Variants in FRMD4A observed in about 807,000 individuals in gnomAD.
FRMD4A encodes FERM domain-containing protein 4A.
In FRMD4A, 29 loss-of-function variants were observed where a neutral mutation model predicts 129.1. The ratio of observed to expected loss-of-function variants is 0.22; its 90% CI spans 0.17 to 0.31. FRMD4A has a LOEUF of 0.31. Among genes scored for constraint, FRMD4A ranks in the 10% least tolerant of loss-of-function variants. The probability of loss-of-function intolerance (pLI) is 1.00; values close to 1 mark genes in which losing one functional copy is unlikely to be tolerated. For synonymous variants in FRMD4A, 634 were observed against 571.6 expected (o/e 1.11, Z -1.56); for missense variants, 1,272 against 1,375.8 (o/e 0.92, Z 1.19).
chr10:14,206,795 G>A (rs531543911), intron 2 of FRMD4A, among the ~76,000 whole-genome samples: 11 of 9,190 alleles, frequency 1.2e-3, no homozygotes, highest in Admixed American at 4.1e-3. Context: ...GGATGACAGA[G>A]TGAGACGCTA....
At chr10:13,959,434 T>C (rs1432494631) in intron 2 of FRMD4A, among the ~76,000 whole-genome samples, 1 of 121,934 alleles carries the variant, frequency 8.2e-6, no homozygotes, top group Non-Finnish European at 1.6e-5. Flanking sequence ...ATTGTGCCAC[T>C]GCACTCCCCT....
intron 2 of FRMD4A, among the ~76,000 whole-genome samples, chr10:14,014,293 CCT>C (rs1485385867): frequency 1.3e-5 from 2 of 152,130 alleles, no homozygotes; most frequent in Non-Finnish European, 2.9e-5. Context: ...TTCCTAATAC[CCT>C]GACTCGATTA....
intron 2 of FRMD4A, among the ~76,000 whole-genome samples, chr10:13,870,292 T>TA (rs1429129038): frequency 2.0e-5 from 3 of 152,244 alleles, no homozygotes; most frequent in African/African-American, 7.2e-5. Flanking sequence ...TGAACATGGA[T>TA]AACAGGCTCT....
At chr10:13,712,339 T>C (rs550458174) in intron 12 of FRMD4A, among the ~76,000 whole-genome samples, 1 of 152,216 alleles carries the variant, frequency 6.6e-6, no homozygotes, top group South Asian at 2.1e-4. Flanking sequence ...CTTGTCAACA[T>C]GGTGAAATCC....
chr10:13,842,815 C>A (rs2093987533), intron 3 of FRMD4A, among the ~76,000 whole-genome samples: 1 of 152,122 alleles, frequency 6.6e-6, no homozygotes, highest in Non-Finnish European at 1.5e-5. Flanking sequence ...GGTGACAAAG[C>A]AAAACCCTGC....
At chr10:13,890,146 C>A (rs1432869305) in intron 2 of FRMD4A, among the ~76,000 whole-genome samples, 1 of 152,198 alleles carries the variant, frequency 6.6e-6, no homozygotes, top group African/African-American at 2.4e-5. Flanking sequence ...GGTCTTCTGG[C>A]CCTGTCCAAG....
intron 3 of FRMD4A, among the ~76,000 whole-genome samples, chr10:13,857,514 A>G (rs1038965150): frequency 1.3e-5 from 2 of 152,136 alleles, no homozygotes; most frequent in Non-Finnish European, 2.9e-5. Flanking sequence ...TCTGTTTCCT[A>G]TATTGCATTT....
chr10:13,862,003 C>G (rs2094301332), intron 2 of FRMD4A, among the ~76,000 whole-genome samples: 1 of 152,152 alleles, frequency 6.6e-6, no homozygotes, highest in African/African-American at 2.4e-5. Context: ...TCGAGCTACG[C>G]TGATTCAGTT....
At chr10:13,955,035 AACAAAGCAT>A (rs2095400690) in intron 2 of FRMD4A, among the ~76,000 whole-genome samples, 1 of 151,864 alleles carries the variant, frequency 6.6e-6, no homozygotes, top group South Asian at 2.1e-4. Flanking sequence ...ACAGACTACT[AACAAAGCAT>A]ACCTCATATT....
At chr10:13,814,580 CAAAAAAAAAAAAAAAAAA>C (rs553044764) in intron 3 of FRMD4A, among the ~76,000 whole-genome samples, 1 of 41,388 alleles carries the variant, frequency 2.4e-5, no homozygotes, top group African/African-American at 8.8e-5. Flanking sequence ...GACCCTGTTT[CAAAAAAAAAAAAAAAAAA>C]AAAAAAAAAG....
chr10:13,762,410 G>T (rs938302116), intron 7 of FRMD4A, among the ~76,000 whole-genome samples: 1 of 151,984 alleles, frequency 6.6e-6, no homozygotes, highest in African/African-American at 2.4e-5. Context: ...GCTTTACAGG[G>T]ATTTTCTGTC....
chr10:14,025,296 T>C (rs1832937109), intron 2 of FRMD4A, among the ~76,000 whole-genome samples: 1 of 141,730 alleles, frequency 7.1e-6, no homozygotes, highest in Non-Finnish European at 1.6e-5. Context: ...CTTCCAAAGT[T>C]TGCTTTTTTT....
chr10:13,929,312 C>A (rs191132579), intron 2 of FRMD4A, among the ~76,000 whole-genome samples: 1 of 152,326 alleles, frequency 6.6e-6, no homozygotes, highest in African/African-American at 2.4e-5. Flanking sequence ...GTTCTCCAGG[C>A]TGAGTCCTTG....
chr10:13,772,858 G>GA (rs1398541522), intron 6 of FRMD4A, among the ~76,000 whole-genome samples: 1 of 152,174 alleles, frequency 6.6e-6, no homozygotes, highest in African/African-American at 2.4e-5. Flanking sequence ...CACAAAAATA[G>GA]AAAGAATGAA....
chr10:13,668,553 G>C (rs553050578), intron 17 of FRMD4A: 19 of 152,366 alleles, frequency 1.2e-4, no homozygotes, highest in African/African-American at 4.6e-4. Flanking sequence ...CAGAATGCCA[G>C]CTGCTCCTGT....
intron 2 of FRMD4A, among the ~76,000 whole-genome samples, chr10:14,321,619 T>A (rs893662174): frequency 2.6e-5 from 4 of 152,204 alleles, no homozygotes; most frequent in African/African-American, 9.7e-5. Flanking sequence ...TTATCCTGTG[T>A]AAAATCAGGT....
chr10:13,691,206 T>C (rs908958602), intron 15 of FRMD4A, among the ~76,000 whole-genome samples: 1 of 152,256 alleles, frequency 6.6e-6, no homozygotes, highest in African/African-American at 2.4e-5. Context: ...CAGGCTGGTC[T>C]CTAACTCCTG....
chr10:13,735,478 C>T (rs2090577798), intron 12 of FRMD4A, among the ~76,000 whole-genome samples: 1 of 152,184 alleles, frequency 6.6e-6, no homozygotes, highest in South Asian at 2.1e-4. Context: ...GTTTTAGCAT[C>T]TTATAATAAT....
chr10:14,002,947 A>G (rs2095647905), intron 2 of FRMD4A, among the ~76,000 whole-genome samples: 1 of 152,140 alleles, frequency 6.6e-6, no homozygotes, highest in Non-Finnish European at 1.5e-5. Flanking sequence ...GGAATATAAC[A>G]TTCCCAGGGT....
Sources: gnomAD v4.1 joint callset for allele counts (sites outside exome capture counted in the v4.1 genomes callset) on GRCh38, gnomAD v4.1.1 for gene constraint, MANE v1.5 for transcripts, NCBI Gene and HGNC (gene_info 2026-07-23, HGNC 2026-07-21) for gene names.